ZBTB24: variants seen among roughly 807,000 people sequenced by gnomAD.
ZBTB24 encodes zinc finger and BTB domain containing 24.
Under a neutral mutation model 53.8 loss-of-function variants are expected in ZBTB24, and 32 were observed. That is an observed-to-expected ratio of 0.60 (90% CI 0.45 to 0.80). The LOEUF (loss-of-function observed/expected upper bound fraction) is 0.80. Ranked by LOEUF, ZBTB24 falls within the 30% of genes least tolerant of loss-of-function variation. The probability of loss-of-function intolerance (pLI) is 0.00; values close to 1 mark genes in which losing one functional copy is unlikely to be tolerated. For synonymous variants in ZBTB24, 297 were observed against 306.7 expected, an observed-to-expected ratio of 0.97 and a Z score of 0.33; for missense variants, 722 against 837.1, an observed-to-expected ratio of 0.86 and a Z score of 1.70.
At chr6:109,474,470 C>T (rs546392008) in intron 5 of ZBTB24, among the ~76,000 whole-genome samples, 5 of 152,276 alleles carry the variant, frequency 3.3e-5, no homozygotes, top group Non-Finnish European at 5.9e-5. Context: ...CAGTGGCTCA[C>T]GCCTGTAATC....
intron 5 of ZBTB24, among the ~76,000 whole-genome samples, chr6:109,471,387 A>G (rs535914923): frequency 1.3e-5 from 2 of 149,764 alleles, no homozygotes; most frequent in Non-Finnish European, 3.0e-5. Flanking sequence ...AGATGGGAAG[A>G]CCCCCAGGTC....
intron 5 of ZBTB24, among the ~76,000 whole-genome samples, chr6:109,474,596 T>C (rs978849017): frequency 6.6e-6 from 1 of 152,040 alleles, no homozygotes; most frequent in Non-Finnish European, 1.5e-5. Context: ...TAGCTGGGCA[T>C]GGTAGCGCAC....
At chr6:109,478,494 T>G (rs919288047) in intron 2 of ZBTB24, among the ~76,000 whole-genome samples, 4 of 152,118 alleles carry the variant, frequency 2.6e-5, no homozygotes, top group African/African-American at 9.7e-5. Context: ...GCAGCCTGAC[T>G]CTCAGTGTGA....
rs776393011 is a variant in ZBTB24, at chr6:109,476,810, G to C, written c.1073C>G (p.Ala358Gly). 4 of 1,613,926 alleles carry C rather than the reference G, an allele frequency of 2.5e-6. No homozygotes were observed. In the East Asian group the frequency reaches 8.9e-5, roughly 36 times the overall value. The change falls in exon 3 of 7, where the codon GCT (alanine) becomes GGT (glycine). Residue 358 changes from alanine to glycine, a missense_variant. Physicochemically the swap from Ala to Gly is moderately conservative, Grantham distance 60 (BLOSUM62 0). Coordinates refer to ENST00000230122, the MANE Select transcript of ZBTB24 (RefSeq NM_014797.3). ...CAGCAGTGAGTGCTTGGTGGTCAGA[G>C]CCTTGCTGCACACGGTGCAGGTGTA... ...RPYTCTVCSK[A>G]LTTKHSLLEH...
chr6:109,466,585 A>G lies in ZBTB24; in HGVS notation c.1371-11T>C. 1 of 1,606,962 alleles carries G rather than the reference A, an allele frequency of 6.2e-7. No homozygotes were observed. Among genetic ancestry groups the G allele is most frequent in the South Asian group, 1.1e-5 (1 of 91,050 alleles). Reference sequence around the variant, plus strand: ...TATGGCTTTTCTCCTCTGTAAGAAAATAAACATTTTATTTTTAAAATGGAA... The same window carrying G: ...TATGGCTTTTCTCCTCTGTAAGAAAGTAAACATTTTATTTTTAAAATGGAA... On this transcript the variant is annotated splice_polypyrimidine_tract_variant and intron_variant, in intron 6 of 6. Transcript: ENST00000230122.
rs373658637 is a variant in ZBTB24, at chr6:109,482,045, A to T, written c.-19T>A. The T allele has an allele frequency of 6.2e-6, 10 of 1,609,024 alleles. No homozygotes were observed. The South Asian group carries it at 1.1e-4, about 18-fold the overall frequency. ...CTGCCATTTTCTTCAGAAGCCACTAAGGGTTAAATCTGAAATAAGAAAACA... is the reference window on the plus strand; with the variant it reads ...CTGCCATTTTCTTCAGAAGCCACTATGGGTTAAATCTGAAATAAGAAAACA... On this transcript the variant is annotated 5_prime_UTR_variant, in exon 2 of 7. Transcript: ENST00000230122.
chr6:109,479,773 G>A (rs1477605097), intron 2 of ZBTB24, among the ~76,000 whole-genome samples: 4 of 152,024 alleles, frequency 2.6e-5, no homozygotes, highest in Non-Finnish European at 5.9e-5. Flanking sequence ...AAAATTAGCT[G>A]GGCGTGGTGG....
chr6:109,481,422 C>A lies in ZBTB24; in HGVS notation c.605G>T (p.Gly202Val). ...VQNRQNFVVK[G>V]DSGVLNEQIA... ...TTGCTCATTCAGTACACCACTGTCT[C>A]CTTTAACCACAAAGTTTTGTCTATT... Residue 202 changes from glycine (G) to valine (V), a missense_variant, in exon 2 of 7, where the codon GGA becomes GTA. Gly to Val is a moderately radical substitution (Grantham distance 109). Transcript: ENST00000230122. The A allele has an allele frequency of 1.2e-6, 2 of 1,614,208 alleles. No individual in the cohort carries two copies. Among genetic ancestry groups the A allele is most frequent in the Non-Finnish European group, 1.7e-6 (2 of 1,180,042 alleles).
At chr6:109,475,607 T>C in intron 4 of ZBTB24, 125 bp from the exon 5 acceptor site, 2 of 1,165,566 alleles carry the variant, frequency 1.7e-6, no homozygotes, top group Non-Finnish European at 1.2e-6. Flanking sequence ...ACCACAAAAA[T>C]TTTTTCATTA....
intron 5 of ZBTB24, among the ~76,000 whole-genome samples, chr6:109,468,932 GAA>G (rs61250996): frequency 7.5e-5 from 9 of 120,012 alleles, no homozygotes; most frequent in African/African-American, 1.9e-4. Context: ...TGGAAAAAAA[GAA>G]AAAAAAAAAA....
chr6:109,481,768 A>C lies in ZBTB24; in HGVS notation c.259T>G (p.Phe87Val). The change falls in exon 2 of 7, where the codon TTT becomes GTT. Residue 87 changes from phenylalanine to valine, a missense_variant. By Grantham distance (50) the Phe-to-Val change is conservative. Transcript: ENST00000230122. ...TAGATAAATTCCAGCAGGATACCAA[A>C]GGTGTCTGCAACCATGCCTTCCAGC... ...YMLEGMVADTFGILLEFIYTG... is the reference protein window; with the variant it reads ...YMLEGMVADTVGILLEFIYTG... 6.2e-7 allele frequency: 1 copy of C among 1,613,832 alleles called. No individual in the cohort carries two copies.
chr6:109,483,012 T>C (rs1034508824), intron 1 of ZBTB24, 86 bp downstream of exon 1: 2 of 152,086 alleles, frequency 1.3e-5, no homozygotes, highest in African/African-American at 4.8e-5. Flanking sequence ...CGGGCCCGAC[T>C]GGGGAGCACA....
Position 109,476,174 on chromosome 6 carries a change from C to A in ZBTB24, c.1204+1G>T, listed in dbSNP as rs1175562986. 1.2e-6 allele frequency: 2 copies of A among 1,613,806 alleles called. No homozygotes were observed. The highest frequency in any genetic ancestry group is 2.2e-5 in the East Asian group (1 of 44,880). Reference sequence around the variant, plus strand: ...ATCTAAATGTTCTCACTTTATCGTACCTGTATGAACTCGGTAATGGCTCTT... The same window carrying A: ...ATCTAAATGTTCTCACTTTATCGTAACTGTATGAACTCGGTAATGGCTCTT... On this transcript the variant is annotated splice_donor_variant, in intron 4 of 6. Coordinates refer to ENST00000230122, the MANE Select transcript of ZBTB24 (RefSeq NM_014797.3). LOFTEE classifies it high-confidence loss of function.
intron 5 of ZBTB24, among the ~76,000 whole-genome samples, chr6:109,473,637 C>A (rs1465156908): frequency 1.3e-5 from 2 of 152,198 alleles, no homozygotes; most frequent in Non-Finnish European, 1.5e-5. Context: ...TGAATGTTGG[C>A]CCCTTAAGGC....
At position 109,466,496 on chromosome 6, in the gene ZBTB24, T is replaced by C. The variant is rs1383536667; in HGVS notation, c.1449A>G (p.Leu483=). ...DSSAKRRHCI[L]HTGKKPFSCP... ...AGGAGAAAGGCTTCTTGCCAGTGTG[T>C]AGAATGCAGTGTCTCCTTTTGGCAC... is the stretch of plus-strand genomic sequence containing the variant. Residue 483 remains leucine (L), a synonymous_variant, in exon 7 of 7, where the codon CTA becomes CTG. Transcript: ENST00000230122. 6.2e-7 allele frequency: 1 copy of C among 1,614,094 alleles called. No individual in the cohort carries two copies. Among genetic ancestry groups the C allele is most frequent in the African/African-American group, 1.3e-5 (1 of 74,946 alleles).
At position 109,465,475 on chromosome 6, in the gene ZBTB24, G is replaced by T; in HGVS notation, c.*376C>A. On this transcript the variant is annotated 3_prime_UTR_variant, in exon 7 of 7. Transcript: ENST00000230122. ...CAGTTCAACCAAAATGACTCCCTTT[G>T]TCCTAGAAAACAAAAAAACATAACT... 1.6e-6 allele frequency: 1 copy of T among 642,690 alleles called. No homozygotes were observed. Among genetic ancestry groups the T allele is most frequent in the South Asian group, 2.1e-5 (1 of 48,590 alleles). The allele number at this position is 642,690 out of a possible 1,614,324, so 39.8% of individuals were successfully genotyped here.
chr6:109,465,483 A>C lies in ZBTB24; in HGVS notation c.*368T>G. 1.5e-6 allele frequency: 1 copy of C among 673,122 alleles called. No homozygotes were observed. The highest frequency in any genetic ancestry group is 2.0e-5 in the South Asian group (1 of 49,364). The allele number at this position is 673,122 out of a possible 1,614,324, so 41.7% of individuals were successfully genotyped here. ...CCAAAATGACTCCCTTTGTCCTAGAAAACAAAAAAACATAACTGGGGAGGT... is the reference window on the plus strand; with the variant it reads ...CCAAAATGACTCCCTTTGTCCTAGACAACAAAAAAACATAACTGGGGAGGT... On this transcript the variant is annotated 3_prime_UTR_variant, in exon 7 of 7. Coordinates refer to ENST00000230122, the MANE Select transcript of ZBTB24 (RefSeq NM_014797.3).
chr6:109,470,627 A>C (rs1217802740), intron 5 of ZBTB24, among the ~76,000 whole-genome samples: 3 of 152,158 alleles, frequency 2.0e-5, no homozygotes, highest in Non-Finnish European at 4.4e-5. Flanking sequence ...TGTCACATTC[A>C]CCTGGCAGTC....
chr6:109,474,425 C>T (rs1776235801), intron 5 of ZBTB24, among the ~76,000 whole-genome samples: 1 of 151,932 alleles, frequency 6.6e-6, no homozygotes, highest in Admixed American at 6.6e-5. Flanking sequence ...TTACATTTGG[C>T]TGTCTTTTCT....
Sources: gnomAD v4.1 joint callset for allele counts (sites outside exome capture counted in the v4.1 genomes callset) on GRCh38, gnomAD v4.1.1 for gene constraint, MANE v1.5 for transcripts, NCBI Gene and HGNC (gene_info 2026-07-23, HGNC 2026-07-21) for gene names.